Variants in CDH18 observed in about 807,000 individuals in gnomAD.
CDH18 encodes the protein cadherin 18.
Under a neutral mutation model 67.9 loss-of-function variants are expected in CDH18, and 31 were observed. That is an observed-to-expected ratio of 0.46 (90% CI 0.34 to 0.62). CDH18 has a LOEUF of 0.62. CDH18 is among the 20% of genes least tolerant of loss of function. The probability of loss-of-function intolerance (pLI) is 0.01; values close to 1 mark genes in which losing one functional copy is unlikely to be tolerated. For synonymous variants in CDH18, 362 were observed against 347.2 expected (o/e 1.04, Z -0.48); for missense variants, 890 against 975.5 (o/e 0.91, Z 1.17).
At chr5:20,453,582 T>C (rs1750630675) in intron 1 of CDH18, among the ~76,000 whole-genome samples, 2 of 151,960 alleles carry the variant, frequency 1.3e-5, no homozygotes, top group South Asian at 4.2e-4. Flanking sequence ...TATGTGTGTG[T>C]GTGTGTGTGT....
chr5:19,913,391 A>G (rs1232087251), intron 2 of CDH18, among the ~76,000 whole-genome samples: 1 of 152,176 alleles, frequency 6.6e-6, no homozygotes, highest in Non-Finnish European at 1.5e-5. Context: ...AGCGAAGAAG[A>G]TATTAAACTT....
chr5:19,563,544 A>T (rs922043062), intron 8 of CDH18, among the ~76,000 whole-genome samples: 1 of 152,088 alleles, frequency 6.6e-6, no homozygotes, highest in Non-Finnish European at 1.5e-5. Flanking sequence ...AAATTCCTGA[A>T]TTCTATTTGT....
chr5:20,149,297 T>C (rs951125392), intron 2 of CDH18, among the ~76,000 whole-genome samples: 6 of 152,204 alleles, frequency 3.9e-5, no homozygotes, highest in African/African-American at 1.4e-4. Context: ...GCATTTTCCA[T>C]GCCAATAAAT....
chr5:20,069,413 T>G (rs1020986777), intron 2 of CDH18, among the ~76,000 whole-genome samples: 8 of 151,014 alleles, frequency 5.3e-5, no homozygotes, highest in African/African-American at 1.9e-4. Flanking sequence ...TTATTTTTAT[T>G]TATTTATTTA....
At chr5:19,830,713 C>G (rs1307251950) in intron 3 of CDH18, among the ~76,000 whole-genome samples, 2 of 152,046 alleles carry the variant, frequency 1.3e-5, no homozygotes, top group African/African-American at 4.8e-5. Context: ...ATAAATCATC[C>G]TACTATAACC....
intron 1 of CDH18, among the ~76,000 whole-genome samples, chr5:20,256,208 G>A (rs1200655940): frequency 2.0e-5 from 3 of 152,000 alleles, no homozygotes; most frequent in African/African-American, 7.2e-5. Context: ...TTGGATCGAA[G>A]TGTTAACATT....
intron 2 of CDH18, among the ~76,000 whole-genome samples, chr5:19,859,563 A>T (rs893466200): frequency 6.6e-6 from 1 of 152,148 alleles, no homozygotes; most frequent in Non-Finnish European, 1.5e-5. Context: ...AAGAGCTCTG[A>T]AGCCTATGAA....
intron 1 of CDH18, among the ~76,000 whole-genome samples, chr5:20,553,564 C>T (rs1451543593): frequency 6.6e-6 from 1 of 152,148 alleles, no homozygotes; most frequent in Non-Finnish European, 1.5e-5. Context: ...CTTGGTAAAA[C>T]ACCACTTTAA....
intron 1 of CDH18, among the ~76,000 whole-genome samples, chr5:20,344,630 G>A (rs1561990291): frequency 6.6e-6 from 1 of 151,930 alleles, no homozygotes; most frequent in Non-Finnish European, 1.5e-5. Context: ...ACAGTTCTCG[G>A]GAAAGGTAGA....
At chr5:19,606,903 T>C (rs933451774) in intron 6 of CDH18, among the ~76,000 whole-genome samples, 15 of 151,784 alleles carry the variant, frequency 9.9e-5, no homozygotes, top group African/African-American at 2.6e-4. Flanking sequence ...AAACAAAATA[T>C]AACAAAGAAT....
chr5:19,663,451 G>A (rs1285943606), intron 5 of CDH18, among the ~76,000 whole-genome samples: 1 of 151,860 alleles, frequency 6.6e-6, no homozygotes, highest in Non-Finnish European at 1.5e-5. Context: ...TTGAGTGTCT[G>A]TATACATACA....
At chr5:20,139,925 C>T (rs1750092364) in intron 2 of CDH18, among the ~76,000 whole-genome samples, 1 of 152,106 alleles carries the variant, frequency 6.6e-6, no homozygotes, top group African/African-American at 2.4e-5. Context: ...CCTTAAGGAT[C>T]TAGAACTAGA....
At chr5:19,823,344 G>T (rs571846745) in intron 3 of CDH18, among the ~76,000 whole-genome samples, 2 of 152,244 alleles carry the variant, frequency 1.3e-5, no homozygotes, top group South Asian at 4.1e-4. Context: ...AAGTGTCCAT[G>T]AAATCTTCAC....
In CDH18 at chr5:20,526,287, G is replaced by T. The variant is rs62352722; in HGVS notation, c.-580+49175C>A. 9.0e-3 allele frequency among the ~76,000 whole-genome samples: 1,372 copies of T among 152,210 alleles called. 10 individuals are homozygous for T. The highest frequency in any genetic ancestry group is 0.016 in the South Asian group (76 of 4,826). ...TTCCCTGGGACCGAGCACCTAGCGG[G>T]GAGGGGCAGCCATGGTCTCAGGTTC... On this transcript the variant is annotated intron_variant, in intron 1 of 14. Coordinates refer to the CDH18 transcript ENST00000507958.
chr5:19,699,249 C>T (rs937606108), intron 5 of CDH18, among the ~76,000 whole-genome samples: 1 of 152,088 alleles, frequency 6.6e-6, no homozygotes, highest in Non-Finnish European at 1.5e-5. Flanking sequence ...ATATCCTCAT[C>T]CATATTGTCT....
intron 1 of CDH18, among the ~76,000 whole-genome samples, chr5:20,501,755 G>GTGTA (rs1453697751): frequency 3.3e-5 from 4 of 119,750 alleles, no homozygotes; most frequent in Non-Finnish European, 7.1e-5. Flanking sequence ...GTGTGTGTGT[G>GTGTA]TATACCTTTA....
chr5:19,901,201 T>C (rs1789904033), intron 2 of CDH18, among the ~76,000 whole-genome samples: 1 of 152,150 alleles, frequency 6.6e-6, no homozygotes, highest in South Asian at 2.1e-4. Context: ...AATCAATGTA[T>C]TATACTTTTA....
At chr5:19,924,430 A>G (rs915808159) in intron 2 of CDH18, among the ~76,000 whole-genome samples, 4 of 152,140 alleles carry the variant, frequency 2.6e-5, no homozygotes, top group Admixed American at 1.3e-4. Context: ...TGAGGTCAGG[A>G]GATCAAGATC....
At chr5:19,851,776 T>C (rs1465837624) in intron 2 of CDH18, among the ~76,000 whole-genome samples, 1 of 151,876 alleles carries the variant, frequency 6.6e-6, no homozygotes, top group Non-Finnish European at 1.5e-5. Context: ...TGTATATATA[T>C]ATTCCCCTTG....
Sources: allele counts gnomAD v4.1 joint callset (sites outside exome capture counted in the v4.1 genomes callset), GRCh38; gene constraint gnomAD v4.1.1; transcripts MANE v1.5; gene names NCBI Gene and HGNC (gene_info 2026-07-23, HGNC 2026-07-21).